Variants in ADGRF5 observed in about 807,000 individuals in gnomAD.
ADGRF5 encodes G-protein coupled receptor 116.
Under a neutral mutation model 132.3 loss-of-function variants are expected in ADGRF5, and 75 were observed. The observed-to-expected ratio is 0.57, with a 90% confidence interval of 0.47 to 0.69. ADGRF5 has a LOEUF of 0.69. Ranked by LOEUF, ADGRF5 falls within the 30% of genes least tolerant of loss-of-function variation. ADGRF5 has a pLI of 0.00. For missense variants in ADGRF5, 1,516 were observed against 1,630.6 expected (o/e 0.93, Z 1.21); for synonymous variants, 629 against 597.6 (o/e 1.05, Z -0.77).
chr6:46,877,350 T>C (rs147635923), intron 10 of ADGRF5, among the ~76,000 whole-genome samples: 499 of 23,276 alleles, frequency 0.021, 15 homozygotes, highest in Middle Eastern at 0.065. Context: ...TCTTTCTTTC[T>C]TTCTTTCTTT....
intron 11 of ADGRF5, chr6:46,870,870 G>T (rs1468193005): frequency 4.5e-6 from 2 of 445,064 alleles, no homozygotes; most frequent in African/African-American, 2.0e-5. Context: ...TGAGCAATTT[G>T]CAGTTTTCTG....
In ADGRF5 at chr6:46,881,516, A is replaced by C. The variant is rs1361603430; in HGVS notation, c.753T>G (p.Val251=). The C allele has an allele frequency of 1.2e-6, 2 of 1,613,328 alleles. No homozygotes were observed. The highest frequency in any genetic ancestry group is 1.3e-5 in the African/African-American group (1 of 74,906). The part of the protein sequence containing the change: ...LELIHKANEQ[V]VQSLNQTYKM... Reference sequence around the variant, plus strand: ...TGTAGGTCTGATTGAGGCTCTGTACAACTTGTTCATTGGCTTTATGTATTA... The same window carrying C: ...TGTAGGTCTGATTGAGGCTCTGTACCACTTGTTCATTGGCTTTATGTATTA... Residue 251 remains valine, a synonymous_variant, in exon 8 of 21, where the codon GTT becomes GTG. Transcript: ENST00000283296.
chr6:46,953,628 ATT>A (rs1778580869), intron 1 of ADGRF5, among the ~76,000 whole-genome samples: 1 of 117,228 alleles, frequency 8.5e-6, no homozygotes, highest in East Asian at 2.3e-4. Flanking sequence ...GAAAAAAAAA[ATT>A]ATATATATAT....
intron 2 of ADGRF5, among the ~76,000 whole-genome samples, chr6:46,903,208 C>T (rs1774950782): frequency 6.6e-6 from 1 of 151,738 alleles, no homozygotes; most frequent in African/African-American, 2.4e-5. Context: ...GGGTAGATCT[C>T]ACAAGGGAGC....
intron 4 of ADGRF5, 195 bp downstream of exon 4, chr6:46,888,140 A>G (rs1773246579): frequency 1.9e-6 from 1 of 520,204 alleles, no homozygotes; most frequent in African/African-American, 1.9e-5. Context: ...ATTTAAAATA[A>G]GAAACCTCTG....
intron 2 of ADGRF5, chr6:46,905,309 G>A (rs970931560): frequency 1.3e-5 from 2 of 152,048 alleles, no homozygotes; most frequent in Non-Finnish European, 2.9e-5. Flanking sequence ...ACTGGGGTTT[G>A]GAAGAGGAGA....
intron 1 of ADGRF5, among the ~76,000 whole-genome samples, chr6:46,937,571 A>T (rs1214863141): frequency 2.0e-5 from 3 of 152,184 alleles, no homozygotes; most frequent in Admixed American, 6.5e-5. Context: ...AATCATCAAT[A>T]GTACTAAACC....
chr6:46,904,891 C>T lies in ADGRF5; in HGVS notation c.102+1770G>A, dbSNP rs547683567. On this transcript the variant is annotated intron_variant, in intron 2 of 20. Coordinates refer to ENST00000283296, the MANE Select transcript of ADGRF5 (RefSeq NM_001098518.2). ...TTTGGGTTGCATGAAGACATTATAC[C>T]TTGAAGGGTAGATCTACCAAAGAAA... is the stretch of plus-strand genomic sequence containing the variant. Among the ~76,000 whole-genome samples, 4 of 152,206 alleles carry T rather than the reference C, an allele frequency of 2.6e-5. No individual in the cohort carries two copies. In the South Asian group the frequency reaches 8.3e-4, roughly 32 times the overall value.
rs1192969075 is a variant in ADGRF5, at chr6:46,881,702, G to T, written c.672-105C>A. ...AACAAAATAGCACAAACTGCCTGAT[G>T]CAGCATGCAAATCTATGGATCTGAC... On this transcript the variant is annotated intron_variant, in intron 7 of 20. Coordinates refer to ENST00000283296, the MANE Select transcript of ADGRF5 (RefSeq NM_001098518.2). 2.1e-5 allele frequency: 19 copies of T among 917,584 alleles called. No homozygotes were observed. The East Asian group carries it at 4.0e-4, about 19-fold the overall frequency. The allele number at this position is 917,584 out of a possible 1,614,324, so 56.8% of individuals were successfully genotyped here.
At chr6:46,855,872 G>T in intron 20 of ADGRF5, 102 bp downstream of exon 20, 2 of 715,222 alleles carry the variant, frequency 2.8e-6, no homozygotes, top group Non-Finnish European at 5.0e-6. Context: ...GGACATTTCA[G>T]GTAAATGCCA....
chr6:46,870,992 A>G (rs946984172), intron 11 of ADGRF5: 1 of 156,850 alleles, frequency 6.4e-6, no homozygotes, highest in African/African-American at 2.4e-5. Context: ...TATATTATAT[A>G]TTATAGATAT....
At chr6:46,927,673 T>C (rs73470859) in intron 1 of ADGRF5, among the ~76,000 whole-genome samples, 3,372 of 152,268 alleles carry the variant, frequency 0.022, 57 homozygotes, top group Middle Eastern at 0.058. Flanking sequence ...GCAACAGAAT[T>C]TCCTTGTTAA....
intron 1 of ADGRF5, among the ~76,000 whole-genome samples, chr6:46,935,459 A>G (rs1179395919): frequency 6.6e-6 from 1 of 152,164 alleles, no homozygotes; most frequent in Non-Finnish European, 1.5e-5. Flanking sequence ...TCATGCAAGC[A>G]CAGGAGACCT....
intron 20 of ADGRF5, among the ~76,000 whole-genome samples, chr6:46,854,958 T>C (rs528957818): frequency 1.3e-5 from 2 of 152,348 alleles, no homozygotes; most frequent in South Asian, 4.1e-4. Context: ...AATTTGCTTG[T>C]ATATGAAAAG....
chr6:46,856,796 G>A lies in ADGRF5; in HGVS notation c.3817-19C>T, dbSNP rs368252199. On this transcript the variant is annotated intron_variant, in intron 18 of 20. Coordinates refer to ENST00000283296, the MANE Select transcript of ADGRF5 (RefSeq NM_001098518.2). ...CCTGTACCTGCATTGTTAAAAAGAA[G>A]CTATCGTAACTTCAACATGCCACAA... The A allele has an allele frequency of 1.7e-4, 272 of 1,596,984 alleles. No individual in the cohort carries two copies. Among genetic ancestry groups the A allele is most frequent in the Admixed American group, 3.5e-4 (21 of 59,916 alleles).
chr6:46,860,967 C>A lies in ADGRF5; in HGVS notation c.2200-73G>T, dbSNP rs1168476776. 8 of 1,163,420 alleles carry A rather than the reference C, an allele frequency of 6.9e-6. No homozygotes were observed. The Admixed American group carries it at 1.2e-4, about 17-fold the overall frequency. 72.1% of individuals were successfully genotyped at this position (1,163,420 alleles called of 1,614,324 possible). On this transcript the variant is annotated intron_variant, in intron 15 of 20. Coordinates refer to ENST00000283296, the MANE Select transcript of ADGRF5 (RefSeq NM_001098518.2). ...GCTATCGAATCCAGCTGATCCATTC[C>A]TGGCAAAATCTCTCACATCCGTTGT...
At chr6:46,928,500 C>T (rs9349382) in intron 1 of ADGRF5, among the ~76,000 whole-genome samples, 2,520 of 152,204 alleles carry the variant, frequency 0.017, 80 homozygotes, top group South Asian at 0.13. Context: ...CTGAGCGCTC[C>T]ATAGACTCCC....
intron 1 of ADGRF5, among the ~76,000 whole-genome samples, chr6:46,950,801 C>T (rs745836388): frequency 1.3e-5 from 2 of 152,216 alleles, no homozygotes; most frequent in Non-Finnish European, 2.9e-5. Context: ...GCATGAGCCA[C>T]TGCGCCTGGC....
Position 46,869,042 on chromosome 6 carries a change from AG to A in ADGRF5, c.1461del (p.Ser489LeufsTer2). The A allele has an allele frequency of 6.2e-7, 1 of 1,614,090 alleles. No individual in the cohort carries two copies. The highest frequency in any genetic ancestry group is 8.5e-7 in the Non-Finnish European group (1 of 1,179,964). On this transcript the variant is annotated frameshift_variant, in exon 12 of 21. Coordinates refer to ENST00000283296, the MANE Select transcript of ADGRF5 (RefSeq NM_001098518.2). LOFTEE classifies it high-confidence loss of function. Reference sequence around the variant, plus strand: ...ACATCACTGATGCATTTTATAGAAAAGTTTTGTCCCTCAGAAACAGAAATTG... The same window carrying A: ...ACATCACTGATGCATTTTATAGAAAATTTTGTCCCTCAGAAACAGAAATTG... Reference protein sequence around the residue: ...PDPISVSEGQNFSIKCISDVS... With the variant: ...PDPISVSEGQXFSIKCISDVS...
Sources: gnomAD v4.1 joint callset for allele counts (sites outside exome capture counted in the v4.1 genomes callset) on GRCh38, gnomAD v4.1.1 for gene constraint, MANE v1.5 for transcripts, NCBI Gene and HGNC (gene_info 2026-07-23, HGNC 2026-07-21) for gene names.